ZDHHC1: variants seen among roughly 807,000 people sequenced by gnomAD.
The protein encoded by ZDHHC1 is palmitoyltransferase ZDHHC1.
ZDHHC1 carries 45 observed loss-of-function variants against 46.9 expected under a neutral mutation model. The ratio of observed to expected loss-of-function variants is 0.96; its 90% CI spans 0.76 to 1.23. The LOEUF (loss-of-function observed/expected upper bound fraction) is 1.23. Ranked by LOEUF, ZDHHC1 falls within the 50% of genes most tolerant of loss-of-function variation. The pLI, the probability that ZDHHC1 is intolerant of heterozygous loss-of-function variation, is 0.00. For missense variants in ZDHHC1, 649 were observed against 670.8 expected, an observed-to-expected ratio of 0.97 and a Z score of 0.36; for synonymous variants, 291 against 286.0, an observed-to-expected ratio of 1.02 and a Z score of -0.18.
chr16:67,406,942 C>T lies in ZDHHC1; in HGVS notation c.10-500G>A, dbSNP rs190951444. On this transcript the variant is annotated intron_variant, in intron 2 of 11. Transcript: ENST00000565726. The surrounding 1 kb of genome is among the most constrained non-coding windows in gnomAD (Gnocchi z 4.1). Reference sequence around the variant, plus strand: ...CAGAAGGAGGATCTGCCCTCTCCCCCACGGTGGACAGAAAATCCCTTTAGG... The same window carrying T: ...CAGAAGGAGGATCTGCCCTCTCCCCTACGGTGGACAGAAAATCCCTTTAGG... Among the ~76,000 whole-genome samples, 3 of 152,304 alleles carry T rather than the reference C, an allele frequency of 2.0e-5. No individual in the cohort carries two copies. Among genetic ancestry groups the T allele is most frequent in the East Asian group, 1.9e-4 (1 of 5,188 alleles).
chr16:67,395,909 G>T (rs572654422), intron 8 of ZDHHC1: 69 of 291,078 alleles, frequency 2.4e-4, no homozygotes, highest in Middle Eastern at 1.1e-3. Context: ...GTGTCCCCAG[G>T]GATCCAGCCT....
intron 5 of ZDHHC1, 68 bp from the exon 6 acceptor site, chr16:67,399,012 G>C: frequency 1.3e-6 from 2 of 1,567,458 alleles, no homozygotes; most frequent in Non-Finnish European, 1.7e-6. Flanking sequence ...TAGGAGTTGG[G>C]GCTGTAGGGT....
intron 1 of ZDHHC1, among the ~76,000 whole-genome samples, chr16:67,410,644 A>AATT (rs58905759): frequency 0.04 from 5,867 of 147,656 alleles, 138 homozygotes; most frequent in South Asian, 0.073. Context: ...TACCTTAATT[A>AATT]ATTATTATTA....
intron 1 of ZDHHC1, among the ~76,000 whole-genome samples, chr16:67,409,181 G>A (rs377594409): frequency 6.6e-6 from 1 of 152,030 alleles, no homozygotes; most frequent in African/African-American, 2.4e-5. Context: ...CCAGGCGCCC[G>A]CCACTTACAG....
chr16:67,396,697 G>A (rs920520753), intron 8 of ZDHHC1, among the ~76,000 whole-genome samples: 1 of 152,184 alleles, frequency 6.6e-6, no homozygotes, highest in Non-Finnish European at 1.5e-5. Context: ...GCCGAGGAGC[G>A]CGGGGTCAGG....
chr16:67,412,124 A>G (rs958967784), intron 1 of ZDHHC1, among the ~76,000 whole-genome samples: 1 of 151,794 alleles, frequency 6.6e-6, no homozygotes, highest in Admixed American at 6.6e-5. Flanking sequence ...AAAAAAAAAC[A>G]AAAAAAGGCT....
Position 67,394,862 on chromosome 16 carries a change from C to G in ZDHHC1, c.1197G>C (p.Ser399=). 1 of 1,565,890 alleles carries G rather than the reference C, an allele frequency of 6.4e-7. No individual in the cohort carries two copies. Among genetic ancestry groups the G allele is most frequent in the Non-Finnish European group, 8.6e-7 (1 of 1,158,266 alleles). The change falls in exon 12 of 12, where the codon TCG becomes TCC. Residue 399 remains serine, a synonymous_variant. Coordinates refer to ENST00000565726, the MANE Select transcript of ZDHHC1 (RefSeq NM_001323627.2). ...GPRAPSRRSS[S]STDSADASPV... ...GGCTGGCGTCCGCGGAATCCGTCGA[C>G]GAGCTGGAGCGGCGGCTGGGGGCCC...
intron 3 of ZDHHC1, among the ~76,000 whole-genome samples, chr16:67,405,538 C>T (rs1223668868): frequency 6.6e-6 from 1 of 152,234 alleles, no homozygotes; most frequent in African/African-American, 2.4e-5. Context: ...CAACCCCTGG[C>T]CTTGCAGCCA....
rs992252508 is a variant in ZDHHC1 at position 67,399,227 on chromosome 16, G to A, written c.530+128C>T. 1.6e-5 allele frequency: 14 copies of A among 886,504 alleles called. No individual in the cohort carries two copies. In the East Asian group the frequency reaches 3.0e-4, roughly 19 times the overall value. 54.9% of individuals were successfully genotyped at this position (886,504 alleles called of 1,614,324 possible). A position where few individuals can be genotyped will look rare whatever the true frequency, so the allele number is the denominator to read the frequency against. ...ATCACTCTCTCTGGGCAGCACCCCC[G>A]CATAAAACGGGCACAGGTCCTCGAA... On this transcript the variant is annotated intron_variant, in intron 5 of 11. Coordinates refer to ENST00000565726, the MANE Select transcript of ZDHHC1 (RefSeq NM_001323627.2).
At chr16:67,407,522 T>C (rs961448221) in intron 2 of ZDHHC1, among the ~76,000 whole-genome samples, 1 of 152,204 alleles carries the variant, frequency 6.6e-6, no homozygotes, top group Non-Finnish European at 1.5e-5. Flanking sequence ...ATCCACAGAA[T>C]GAGGCTTGAT....
chr16:67,394,854 T>C lies in ZDHHC1; in HGVS notation c.1205A>G (p.Asp402Gly). Residue 402 changes from aspartate to glycine, a missense_variant, in exon 12 of 12, where the codon GAT becomes GGT. Asp to Gly is a moderately conservative substitution (Grantham distance 94, BLOSUM62 -1). Coordinates refer to ENST00000565726, the MANE Select transcript of ZDHHC1 (RefSeq NM_001323627.2). ...APSRRSSSST[D>G]SADASPVHAA... ...GTGCACAGGGCTGGCGTCCGCGGAA[T>C]CCGTCGACGAGCTGGAGCGGCGGCT... The C allele has an allele frequency of 6.4e-7, 1 of 1,562,734 alleles. No homozygotes were observed.
intron 3 of ZDHHC1, among the ~76,000 whole-genome samples, chr16:67,402,933 C>T (rs1159552494): frequency 1.3e-5 from 2 of 152,230 alleles, no homozygotes; most frequent in African/African-American, 4.8e-5. Context: ...TGCCCAAAAA[C>T]ATGGATATCA....
rs762495750 is a variant in ZDHHC1, at chr16:67,416,415, G to GGCTCCA, written c.-289_-284dup. 9.8e-6 allele frequency: 2 copies of GGCTCCA among 203,906 alleles called. No individual in the cohort carries two copies. Among genetic ancestry groups the GGCTCCA allele is most frequent in the South Asian group, 5.1e-5 (1 of 19,672 alleles). 12.6% of individuals were successfully genotyped at this position (203,906 alleles called of 1,614,324 possible). ...CGGCTCCGGCTCCGGCTCCGGCTCC[G>GGCTCCA]GCTCCAGCAGGCTGGAGGGGCGGCC... is the stretch of plus-strand genomic sequence containing the variant. On this transcript the variant is annotated 5_prime_UTR_variant, in exon 1 of 12. Transcript: ENST00000565726.
intron 9 of ZDHHC1, 55 bp from the exon 10 acceptor site, chr16:67,395,335 C>A (rs1002201084): frequency 3.3e-6 from 5 of 1,495,722 alleles, no homozygotes; most frequent in African/African-American, 1.4e-5. Flanking sequence ...TCCCTCCCCA[C>A]TGGAGGTGCT....
At chr16:67,405,484 A>G (rs958175096) in intron 3 of ZDHHC1, among the ~76,000 whole-genome samples, 2 of 152,168 alleles carry the variant, frequency 1.3e-5, no homozygotes, top group Non-Finnish European at 2.9e-5. Flanking sequence ...GGACACTCAA[A>G]TAGGAACTCT....
In ZDHHC1 at chr16:67,406,819, T is replaced by C. The variant is rs1004451550; in HGVS notation, c.10-377A>G. Among the ~76,000 whole-genome samples the C allele has an allele frequency of 6.6e-6, 1 of 152,214 alleles. No homozygotes were observed. Among genetic ancestry groups the C allele is most frequent in the Non-Finnish European group, 1.5e-5 (1 of 68,044 alleles). ...GGGCCAGAGTGATGAGAACACATGC[T>C]GATTCTGTTAGGATTAGTCACCTCC... is the stretch of plus-strand genomic sequence containing the variant. On this transcript the variant is annotated intron_variant, in intron 2 of 11. Coordinates refer to ENST00000565726, the MANE Select transcript of ZDHHC1 (RefSeq NM_001323627.2). The surrounding 1 kb of genome is among the most constrained non-coding windows in gnomAD (Gnocchi z 4.1).
At chr16:67,398,967 G>A (rs748782236) in intron 5 of ZDHHC1, 23 bp from the exon 6 acceptor site, 3 of 1,609,224 alleles carry the variant, frequency 1.9e-6, no homozygotes, top group Non-Finnish European at 2.5e-6. Flanking sequence ...ATGGGTCGCT[G>A]TCAGCTCCCC....
chr16:67,400,016 A>AG (rs1491458022), intron 4 of ZDHHC1, among the ~76,000 whole-genome samples: 1 of 152,032 alleles, frequency 6.6e-6, no homozygotes, highest in Non-Finnish European at 1.5e-5. Flanking sequence ...ACAGGGGCTC[A>AG]GGGGAAGTCT....
chr16:67,412,997 T>A (rs2040773811), intron 1 of ZDHHC1, among the ~76,000 whole-genome samples: 2 of 152,096 alleles, frequency 1.3e-5, no homozygotes, highest in South Asian at 4.1e-4. Context: ...GAGACGGGGT[T>A]TCACCATGTT....
Sources: allele counts gnomAD v4.1 joint callset (sites outside exome capture counted in the v4.1 genomes callset), GRCh38; gene constraint gnomAD v4.1.1; non-coding constraint Gnocchi (gnomAD v3.1); transcripts MANE v1.5; gene names NCBI Gene and HGNC (gene_info 2026-07-23, HGNC 2026-07-21).